The following VAV2 variants were observed in gnomAD, a reference collection of about 807,000 sequenced individuals.
VAV2 encodes vav guanine nucleotide exchange factor 2.
Under a neutral mutation model 132.5 loss-of-function variants are expected in VAV2, and 67 were observed. The ratio of observed to expected loss-of-function variants is 0.51; its 90% confidence interval spans 0.42 to 0.62. VAV2 has a LOEUF of 0.62. VAV2 is among the 20% of genes least tolerant of loss of function. The pLI is 0.00. For synonymous variants in VAV2, 492 were observed against 443.5 expected (o/e 1.11, Z -1.37); for missense variants, 938 against 1,153.6 (o/e 0.81, Z 2.71).
At chr9:133,808,157 C>T (rs1278593630) in intron 7 of VAV2, among the ~76,000 whole-genome samples, 2 of 152,234 alleles carry the variant, frequency 1.3e-5, no homozygotes, top group African/African-American at 4.8e-5. Context: ...AGAGGCTGAC[C>T]TCAGAGCCAG....
At chr9:133,906,747 A>G (rs1207865086) in intron 2 of VAV2, among the ~76,000 whole-genome samples, 1 of 151,990 alleles carries the variant, frequency 6.6e-6, no homozygotes, top group African/African-American at 2.4e-5. Flanking sequence ...CAGACACAAA[A>G]CCCAGTGGCG....
chr9:133,914,124 A>G (rs1839975663), intron 2 of VAV2, among the ~76,000 whole-genome samples: 1 of 152,252 alleles, frequency 6.6e-6, no homozygotes, highest in African/African-American at 2.4e-5. Flanking sequence ...TCAGTCAGAA[A>G]GGCCAGCCTC....
At chr9:133,766,863 G>C (rs1351299433) in intron 29 of VAV2, among the ~76,000 whole-genome samples, 2 of 149,872 alleles carry the variant, frequency 1.3e-5, no homozygotes, top group Admixed American at 6.6e-5. Context: ...GAGAACGCTT[G>C]CACAAAAGTT....
intron 1 of VAV2, among the ~76,000 whole-genome samples, chr9:133,956,051 G>A (rs566350359): frequency 6.6e-6 from 1 of 151,890 alleles, no homozygotes; most frequent in South Asian, 2.1e-4. Flanking sequence ...ACGGGGCCAG[G>A]AGGCACAAAG....
At chr9:133,950,204 C>T (rs1588158226) in intron 1 of VAV2, among the ~76,000 whole-genome samples, 1 of 152,344 alleles carries the variant, frequency 6.6e-6, no homozygotes, top group East Asian at 1.9e-4. Flanking sequence ...CCTCTCCATC[C>T]TGACGGTCAA....
At position 133,768,640 on chromosome 9, in the gene VAV2, C is replaced by A. The variant is rs2131562858; in HGVS notation, c.2435-44G>T. 2 of 1,593,172 alleles carry A rather than the reference C, an allele frequency of 1.3e-6. No individual in the cohort carries two copies. The highest frequency in any genetic ancestry group is 1.3e-5 in the African/African-American group (1 of 74,586). On this transcript the variant is annotated intron_variant, in intron 28 of 29. Coordinates refer to ENST00000371850, the MANE Select transcript of VAV2 (RefSeq NM_001134398.2). The surrounding 1 kb of genome is among the most constrained non-coding windows in gnomAD (Gnocchi z 5.3). ...AGCATCACACAGCTGCAGGAGGAGC[C>A]CAACCAGTGATCCAGGAGGCCCTTG...
chr9:133,812,350 T>C (rs1449803355), intron 4 of VAV2, 134 bp from the exon 5 acceptor site: 2 of 789,400 alleles, frequency 2.5e-6, no homozygotes. Context: ...GGCCTCAGTC[T>C]ACAAAGTGGG....
chr9:133,774,427 T>A (rs980632100), intron 25 of VAV2, among the ~76,000 whole-genome samples: 5 of 152,024 alleles, frequency 3.3e-5, no homozygotes, highest in African/African-American at 1.2e-4. Context: ...TCCTGGAGAG[T>A]TAACTGCAGC....
chr9:133,884,911 C>T lies in VAV2; in HGVS notation c.322-23479G>A, dbSNP rs918483501. Among the ~76,000 whole-genome samples the T allele has an allele frequency of 1.3e-5, 2 of 152,168 alleles. No individual in the cohort carries two copies. Among genetic ancestry groups the T allele is most frequent in the East Asian group, 1.9e-4 (1 of 5,176 alleles). On this transcript the variant is annotated intron_variant, in intron 2 of 29. Coordinates refer to ENST00000371850, the MANE Select transcript of VAV2 (RefSeq NM_001134398.2). This position sits in a 1 kb window ranked among gnomAD's most constrained non-coding sequence, Gnocchi z 5.3. ...GGGGCGCAGCGCTGTCCACAACTCA[C>T]ACCCTCAGCCCCACTTCCAGCCTGA...
At chr9:133,891,554 C>A (rs1179832746) in intron 2 of VAV2, among the ~76,000 whole-genome samples, 15 of 3,928 alleles carry the variant, frequency 3.8e-3, no homozygotes, top group South Asian at 0.023. Context: ...GGATGGAAGG[C>A]GAGGTATGGA....
chr9:133,965,471 C>T (rs1842112523), intron 1 of VAV2, among the ~76,000 whole-genome samples: 2 of 148,918 alleles, frequency 1.3e-5, no homozygotes, highest in African/African-American at 2.5e-5. Context: ...TGCACTCCAG[C>T]CTGGATGACA....
chr9:133,854,009 T>TAC (rs1201711150), intron 3 of VAV2, among the ~76,000 whole-genome samples: 9 of 151,990 alleles, frequency 5.9e-5, no homozygotes, highest in Admixed American at 5.9e-4. Context: ...TGAGCATATA[T>TAC]ACACACACGT....
intron 2 of VAV2, among the ~76,000 whole-genome samples, chr9:133,902,184 A>G (rs1281644231): frequency 6.6e-6 from 1 of 152,116 alleles, no homozygotes; most frequent in African/African-American, 2.4e-5. Flanking sequence ...CTGAGACCCA[A>G]CTTCATTGTC....
chr9:133,943,032 T>A (rs1841226531), intron 1 of VAV2, among the ~76,000 whole-genome samples: 1 of 152,228 alleles, frequency 6.6e-6, no homozygotes, highest in Non-Finnish European at 1.5e-5. Flanking sequence ...AAAGGGAAAC[T>A]GAGGCACAGA....
At chr9:133,956,585 C>T (rs901801799) in intron 1 of VAV2, among the ~76,000 whole-genome samples, 1 of 152,194 alleles carries the variant, frequency 6.6e-6, no homozygotes, top group Non-Finnish European at 1.5e-5. Flanking sequence ...AAAAAGCACG[C>T]AGCCAGTTAG....
chr9:133,801,530 C>T (rs1834929811), intron 9 of VAV2, among the ~76,000 whole-genome samples: 1 of 152,242 alleles, frequency 6.6e-6, no homozygotes, highest in South Asian at 2.1e-4. Flanking sequence ...CGCCCTCTCT[C>T]ACCTGACCCA....
chr9:133,951,678 A>T (rs2132181791), intron 1 of VAV2, among the ~76,000 whole-genome samples: 2 of 152,248 alleles, frequency 1.3e-5, no homozygotes, highest in East Asian at 3.9e-4. Context: ...ACAGCAGCTG[A>T]CACCAGACCA....
Position 133,935,816 on chromosome 9 carries a change from CA to C in VAV2, c.321+3286del, listed in dbSNP as rs1041810506. Among the ~76,000 whole-genome samples the C allele has an allele frequency of 6.6e-6, 1 of 152,184 alleles. No homozygotes were observed. Among genetic ancestry groups the C allele is most frequent in the African/African-American group, 2.4e-5 (1 of 41,454 alleles). On this transcript the variant is annotated intron_variant, in intron 2 of 29. Transcript: ENST00000371850. The surrounding 1 kb of genome is among the most constrained non-coding windows in gnomAD (Gnocchi z 5.2). ...GGGCTGGCGGGGCCGAGGCCAGGCCCACGCTGAAGGGCAAGTGCGGGTTCCG... is the reference window on the plus strand; with the variant it reads ...GGGCTGGCGGGGCCGAGGCCAGGCCCCGCTGAAGGGCAAGTGCGGGTTCCG...
intron 3 of VAV2, among the ~76,000 whole-genome samples, chr9:133,849,023 GA>G (rs1564403230): frequency 1.3e-5 from 2 of 152,216 alleles, no homozygotes; most frequent in African/African-American, 4.8e-5. Flanking sequence ...AAAATGAGCC[GA>G]TAATGTTACC....
Sources: gnomAD v4.1 joint callset for allele counts (sites outside exome capture counted in the v4.1 genomes callset) on GRCh38, gnomAD v4.1.1 for gene constraint, Gnocchi (gnomAD v3.1) non-coding constraint, MANE v1.5 for transcripts, NCBI Gene and HGNC (gene_info 2026-07-23, HGNC 2026-07-21) for gene names.